FAH: variants seen among roughly 807,000 people sequenced by gnomAD.
FAH encodes the protein fumarylacetoacetase.
FAH carries 47 observed loss-of-function variants against 55.8 expected under a neutral mutation model. That is an observed-to-expected ratio of 0.84 (90% CI 0.67 to 1.07). FAH has a LOEUF of 1.07. FAH is among the 50% of genes least tolerant of loss of function. The pLI is 0.00. For missense variants in FAH, 495 were observed against 545.9 expected, an observed-to-expected ratio of 0.91 and a Z score of 0.93; for synonymous variants, 199 against 207.7, an observed-to-expected ratio of 0.96 and a Z score of 0.36.
chr15:80,183,655 A>G (rs997117428), intron 13 of FAH, among the ~76,000 whole-genome samples: 8 of 152,294 alleles, frequency 5.3e-5, no homozygotes, highest in East Asian at 3.9e-4. Context: ...TCCTTCCCCA[A>G]ATCAATTTCT....
chr15:80,163,745 C>T (rs908303344), intron 5 of FAH: 4 of 152,166 alleles, frequency 2.6e-5, no homozygotes, highest in African/African-American at 9.7e-5. Flanking sequence ...TACTCTTTGA[C>T]CTGCAATGCT....
intron 11 of FAH, among the ~76,000 whole-genome samples, chr15:80,179,197 C>T (rs975916592): frequency 7.9e-5 from 12 of 152,186 alleles, no homozygotes; most frequent in African/African-American, 1.4e-4. Flanking sequence ...TTTGCCTTTT[C>T]GTTCAAACCG....
rs2041272722 is a variant in FAH, at chr15:80,175,195, C to A, written c.913+104C>A. On this transcript the variant is annotated intron_variant, in intron 10 of 13. Transcript: ENST00000561421. ...GCTTTGGCAAGGGTGAGGGCACGTG[C>A]TACAGCCCTGGAGATGTGTGTGGCT... 4 of 1,015,274 alleles carry A rather than the reference C, an allele frequency of 3.9e-6. No homozygotes were observed. In the South Asian group the frequency reaches 5.1e-5, roughly 13 times the overall value. 62.9% of individuals were successfully genotyped at this position (1,015,274 alleles called of 1,614,324 possible).
intron 13 of FAH, among the ~76,000 whole-genome samples, chr15:80,185,291 A>G (rs2041360797): frequency 6.6e-6 from 1 of 152,172 alleles, no homozygotes. Context: ...AGAGTTTTCT[A>G]TGCATTTGCT....
At chr15:80,174,290 C>T (rs2041264830) in intron 9 of FAH, among the ~76,000 whole-genome samples, 1 of 152,212 alleles carries the variant, frequency 6.6e-6, no homozygotes. Flanking sequence ...TTTTGCCTGC[C>T]TTCCTCTGTG....
intron 1 of FAH, chr15:80,157,394 C>T (rs114370360): frequency 0.047 from 7,322 of 156,558 alleles, 245 homozygotes; most frequent in East Asian, 0.087. Flanking sequence ...AACATGCCCT[C>T]GGGTTCTTGT....
chr15:80,155,814 G>A (rs974379755), intron 1 of FAH: 12 of 447,310 alleles, frequency 2.7e-5, no homozygotes, highest in Non-Finnish European at 3.6e-5. Flanking sequence ...TAAGGTAGCC[G>A]AAGCAGAGAG....
rs2142098208 is a variant in FAH, at chr15:80,168,280, T to C, written c.570T>C (p.Tyr190=). 7 of 1,611,318 alleles carry C rather than the reference T, an allele frequency of 4.3e-6. No individual in the cohort carries two copies. Among genetic ancestry groups the C allele is most frequent in the Non-Finnish European group, 5.9e-6 (7 of 1,179,580 alleles). ...TTATTCCAGCTAAGCCTCCCGTATATGGTGCCTGCAAGCTCTTGGACATGG... is the reference window on the plus strand; with the variant it reads ...TTATTCCAGCTAAGCCTCCCGTATACGGTGCCTGCAAGCTCTTGGACATGG... ...MKPDDSKPPV[Y]GACKLLDMEL... The change falls in exon 7 of 14, where the codon TAT becomes TAC. Residue 190 remains tyrosine, a synonymous_variant. Transcript: ENST00000561421.
chr15:80,156,119 C>T (rs776086503), intron 1 of FAH: 15 of 283,994 alleles, frequency 5.3e-5, no homozygotes, highest in African/African-American at 2.0e-4. Context: ...CTCCCTTTTG[C>T]GGTCTGCTAA....
chr15:80,177,165 C>A (rs1027262120), intron 10 of FAH, among the ~76,000 whole-genome samples: 2 of 152,200 alleles, frequency 1.3e-5, no homozygotes, highest in Non-Finnish European at 2.9e-5. Flanking sequence ...CCTGAGGGGA[C>A]AGCAGGTTAT....
intron 2 of FAH, 49 bp downstream of exon 2, chr15:80,158,219 T>A: frequency 8.0e-7 from 1 of 1,256,718 alleles, no homozygotes; most frequent in Non-Finnish European, 1.2e-6. Flanking sequence ...GCACTTACTG[T>A]GGATGCCAAC....
chr15:80,169,815 G>A (rs999103460), intron 7 of FAH, among the ~76,000 whole-genome samples: 1 of 152,196 alleles, frequency 6.6e-6, no homozygotes, highest in Non-Finnish European at 1.5e-5. Flanking sequence ...TTACAGGCAT[G>A]AGCCACCGCG....
chr15:80,172,887 A>T, intron 8 of FAH, 127 bp from the exon 9 acceptor site: 1 of 1,275,810 alleles, frequency 7.8e-7, no homozygotes, highest in Non-Finnish European at 1.1e-6. Flanking sequence ...GGGCAGCCTG[A>T]CTGGGGCTGA....
At chr15:80,168,543 A>T in intron 7 of FAH, 1 of 592,830 alleles carries the variant, frequency 1.7e-6, no homozygotes, top group South Asian at 2.0e-5. Context: ...TTGTAAGTCC[A>T]GAATTAATAT....
intron 5 of FAH, chr15:80,167,290 C>T (rs1202516817): frequency 6.6e-6 from 1 of 152,520 alleles, no homozygotes; most frequent in Non-Finnish European, 1.5e-5. Context: ...CCGTCCTTGT[C>T]CTTGCTGCTT....
At chr15:80,167,529 TC>T (rs1454684932) in intron 5 of FAH, among the ~76,000 whole-genome samples, 68 of 124,526 alleles carry the variant, frequency 5.5e-4, no homozygotes, top group African/African-American at 2.0e-3. Flanking sequence ...CATGGCTGTA[TC>T]TTTTTTTTTT....
chr15:80,180,586 C>T (rs1327844876), intron 12 of FAH, among the ~76,000 whole-genome samples: 3 of 152,194 alleles, frequency 2.0e-5, no homozygotes, highest in Non-Finnish European at 4.4e-5. Context: ...CCCGCTTGTC[C>T]CCCTGTAAGC....
rs1004679632 is a variant in FAH, at chr15:80,172,353, T to C, written c.706+105T>C. On this transcript the variant is annotated intron_variant, in intron 8 of 13. Transcript: ENST00000561421. ...TCTGGTGCAGGTCAAAAGTGGCAGGTGATGCAGTGACTGAGAGTGGGGGTC... is the reference window on the plus strand; with the variant it reads ...TCTGGTGCAGGTCAAAAGTGGCAGGCGATGCAGTGACTGAGAGTGGGGGTC... The C allele has an allele frequency of 3.6e-6, 3 of 837,298 alleles. No individual in the cohort carries two copies. The Admixed American group carries it at 5.6e-5, about 16-fold the overall frequency. 51.9% of individuals were successfully genotyped at this position (837,298 alleles called of 1,614,324 possible).
At chr15:80,175,158 G>A in intron 10 of FAH, 67 bp downstream of exon 10, 8 of 1,432,042 alleles carry the variant, frequency 5.6e-6, no homozygotes, top group South Asian at 4.6e-5. Context: ...GCCTTGTCCT[G>A]AAGGCTCCTG....
Sources: gnomAD v4.1 joint callset for allele counts (sites outside exome capture counted in the v4.1 genomes callset) on GRCh38, gnomAD v4.1.1 for gene constraint, MANE v1.5 for transcripts, NCBI Gene and HGNC (gene_info 2026-07-23, HGNC 2026-07-21) for gene names.